LIPI: variants seen among roughly 807,000 people sequenced by gnomAD.
LIPI encodes lipase I, also known as lipase member I.
Under a neutral mutation model 50.6 loss-of-function variants are expected in LIPI, and 59 were observed. The ratio of observed to expected loss-of-function variants is 1.16; its 90% CI spans 0.94 to 1.45. The LOEUF (loss-of-function observed/expected upper bound fraction) is 1.45. LIPI is among the 40% of genes most tolerant of loss of function. The pLI, the probability that LIPI is intolerant of heterozygous loss-of-function variation, is 0.00. For missense variants in LIPI, 586 were observed against 536.3 expected (o/e 1.09, Z -0.92); for synonymous variants, 203 against 178.2 (o/e 1.14, Z -1.11).
chr21:14,117,666 C>T (rs1014012405), intron 9 of LIPI, among the ~76,000 whole-genome samples: 6 of 152,148 alleles, frequency 3.9e-5, no homozygotes, highest in African/African-American at 9.7e-5. Context: ...CTTACTGACT[C>T]TACACACCTT....
rs1050464395 is a variant in LIPI, at chr21:14,174,005, A to G, written c.644-7554T>C. Reference sequence around the variant, plus strand: ...TAAATAAGACCAAAAAGTTTTTAAAACAAGAAAAAAATTTAACAGGGTCAG... The same window carrying G: ...TAAATAAGACCAAAAAGTTTTTAAAGCAAGAAAAAAATTTAACAGGGTCAG... On this transcript the variant is annotated intron_variant, in intron 4 of 9. Transcript: ENST00000681601. 3.3e-5 allele frequency among the ~76,000 whole-genome samples: 5 copies of G among 152,328 alleles called. No individual in the cohort carries two copies. In the South Asian group the frequency reaches 6.2e-4, roughly 19 times the overall value.
At chr21:14,120,024 T>A (rs929788231) in intron 9 of LIPI, among the ~76,000 whole-genome samples, 16 of 152,174 alleles carry the variant, frequency 1.1e-4, no homozygotes, top group Non-Finnish European at 1.3e-4. Flanking sequence ...CCTTAGAGAC[T>A]GTGAATACCC....
At chr21:14,197,298 G>T (rs1452845117) in intron 1 of LIPI, among the ~76,000 whole-genome samples, 1 of 151,904 alleles carries the variant, frequency 6.6e-6, no homozygotes, top group African/African-American at 2.4e-5. Flanking sequence ...TATAAAAAGT[G>T]CTATCATACT....
At chr21:14,150,019 G>A (rs1756682039) in intron 8 of LIPI, among the ~76,000 whole-genome samples, 1 of 152,150 alleles carries the variant, frequency 6.6e-6, no homozygotes, top group Non-Finnish European at 1.5e-5. Context: ...TCTGTATAGG[G>A]CTCCAATCCC....
intron 5 of LIPI, 45 bp from the exon 6 acceptor site, chr21:14,165,435 C>A: frequency 7.2e-7 from 1 of 1,395,724 alleles, no homozygotes; most frequent in Non-Finnish European, 1.0e-6. Context: ...TGTATTAAGC[C>A]ATGTTCAAGT....
At chr21:14,185,171 T>C (rs2019408472) in intron 3 of LIPI, among the ~76,000 whole-genome samples, 1 of 152,196 alleles carries the variant, frequency 6.6e-6, no homozygotes, top group African/African-American at 2.4e-5. Context: ...TGACTGAGCT[T>C]CCTGGATGCA....
At chr21:14,210,759 C>A (rs1010160005) in intron 1 of LIPI, 41 bp downstream of exon 1, 15 of 859,446 alleles carry the variant, frequency 1.7e-5, no homozygotes, top group Middle Eastern at 3.6e-4. Flanking sequence ...ATTTTATATG[C>A]AATTTTTAAA....
chr21:14,177,415 G>C (rs1600903072), intron 4 of LIPI, among the ~76,000 whole-genome samples: 1 of 151,804 alleles, frequency 6.6e-6, no homozygotes, highest in Non-Finnish European at 1.5e-5. Flanking sequence ...TAGAGCATAA[G>C]TCCATTTATC....
At chr21:14,143,077 C>A (rs560470364) in intron 9 of LIPI, among the ~76,000 whole-genome samples, 24 of 152,086 alleles carry the variant, frequency 1.6e-4, no homozygotes, top group African/African-American at 5.5e-4. Flanking sequence ...TTCTAATGAC[C>A]AGATAATGGA....
At position 14,189,093 on chromosome 21, in the gene LIPI, C is replaced by T. The variant is rs983668480; in HGVS notation, c.373G>A (p.Ala125Thr). The change falls in exon 2 of 10, where the codon GCA (alanine) becomes ACA (threonine). Residue 125 changes from alanine (A) to threonine (T), a missense_variant. Coordinates refer to ENST00000681601, the MANE Select transcript of LIPI (RefSeq NM_001302998.2). ...GCAACTTTTCTGGTGTTTTTAACTGCTCTATTATAAATAAAAGTTGTAGCA... is the reference window on the plus strand; with the variant it reads ...GCAACTTTTCTGGTGTTTTTAACTGTTCTATTATAAATAAAAGTTGTAGCA... ...RGATTFIYNR[A>T]VKNTRKVAVS... 1 of 1,611,996 alleles carries T rather than the reference C, an allele frequency of 6.2e-7. No homozygotes were observed. The highest frequency in any genetic ancestry group is 8.5e-7 in the Non-Finnish European group (1 of 1,179,862).
intron 9 of LIPI, among the ~76,000 whole-genome samples, chr21:14,119,273 T>C (rs1275792013): frequency 1.3e-5 from 2 of 152,208 alleles, no homozygotes; most frequent in African/African-American, 4.8e-5. Context: ...ATAGATGATT[T>C]GTTACTAGCT....
At chr21:14,196,017 T>A (rs896544710) in intron 1 of LIPI, among the ~76,000 whole-genome samples, 1 of 152,164 alleles carries the variant, frequency 6.6e-6, no homozygotes, top group African/African-American at 2.4e-5. Flanking sequence ...ACAATTATTG[T>A]TAGTTTCTTA....
chr21:14,176,375 T>C (rs2123219824), intron 4 of LIPI, among the ~76,000 whole-genome samples: 2 of 152,144 alleles, frequency 1.3e-5, no homozygotes, highest in Admixed American at 1.3e-4. Context: ...TTCTTAATTT[T>C]TCAAAATAGA....
chr21:14,126,648 A>C (rs1056513152), intron 9 of LIPI, among the ~76,000 whole-genome samples: 3 of 152,232 alleles, frequency 2.0e-5, no homozygotes, highest in Non-Finnish European at 4.4e-5. Flanking sequence ...TAAATACTGT[A>C]AGTAATCTAC....
At chr21:14,144,966 A>T (rs2017849948) in intron 8 of LIPI, among the ~76,000 whole-genome samples, 167 bp from the exon 9 acceptor site, 1 of 152,208 alleles carries the variant, frequency 6.6e-6, no homozygotes, top group Non-Finnish European at 1.5e-5. Flanking sequence ...ACCGTAATTT[A>T]TAACAGAACA....
chr21:14,207,657 G>T (rs1488166875), intron 1 of LIPI, among the ~76,000 whole-genome samples: 1 of 152,168 alleles, frequency 6.6e-6, no homozygotes, highest in Non-Finnish European at 1.5e-5. Flanking sequence ...CAACCCCAGA[G>T]ATTCTGATTT....
chr21:14,110,834 T>C (rs1412099374), intron 9 of LIPI, among the ~76,000 whole-genome samples: 1 of 150,404 alleles, frequency 6.6e-6, no homozygotes, highest in Non-Finnish European at 1.5e-5. Flanking sequence ...GTCTGAATAG[T>C]ATTCCAATTT....
chr21:14,177,263 C>A (rs1377406908), intron 4 of LIPI, among the ~76,000 whole-genome samples: 1 of 151,912 alleles, frequency 6.6e-6, no homozygotes, highest in Non-Finnish European at 1.5e-5. Context: ...AGATTTACCA[C>A]CATTTGGAGG....
At chr21:14,194,031 A>T (rs1040218311) in intron 1 of LIPI, among the ~76,000 whole-genome samples, 7 of 152,190 alleles carry the variant, frequency 4.6e-5, no homozygotes, top group African/African-American at 1.7e-4. Context: ...AAGCTTATGA[A>T]AACAAGCTCA....
Sources: allele counts gnomAD v4.1 joint callset (sites outside exome capture counted in the v4.1 genomes callset), GRCh38; gene constraint gnomAD v4.1.1; transcripts MANE v1.5; gene names NCBI Gene and HGNC (gene_info 2026-07-23, HGNC 2026-07-21).